The following ANKS1B variants were observed in gnomAD, a reference collection of about 807,000 sequenced individuals.
ANKS1B encodes ankyrin repeat and sterile alpha motif domain-containing protein 1B.
In ANKS1B, 36 loss-of-function variants were observed where a neutral mutation model predicts 148.3. The observed-to-expected ratio is 0.24, with a 90% CI of 0.19 to 0.32. ANKS1B has a LOEUF of 0.32. ANKS1B is among the 10% of genes least tolerant of loss of function. The pLI, the probability that ANKS1B is intolerant of heterozygous loss-of-function variation, is 1.00. For missense variants in ANKS1B, 1,157 were observed against 1,542.6 expected, an observed-to-expected ratio of 0.75 and a Z score of 4.19; for synonymous variants, 542 against 560.8, an observed-to-expected ratio of 0.97 and a Z score of 0.47.
chr12:99,823,659 G>A (rs1258784388), intron 2 of ANKS1B, among the ~76,000 whole-genome samples: 1 of 152,100 alleles, frequency 6.6e-6, no homozygotes, highest in Non-Finnish European at 1.5e-5. Flanking sequence ...TGAAGTATTT[G>A]CCCAGTTCTA....
intron 8 of ANKS1B, among the ~76,000 whole-genome samples, chr12:99,744,991 CAAAAAAAA>C (rs55904412): frequency 1.2e-4 from 6 of 52,082 alleles, no homozygotes; most frequent in Admixed American, 3.0e-4. Flanking sequence ...GACTCTGTCT[CAAAAAAAA>C]AAAAAAAAAA....
At chr12:99,680,730 T>C (rs12580273) in intron 8 of ANKS1B, among the ~76,000 whole-genome samples, 1 of 152,212 alleles carries the variant, frequency 6.6e-6, no homozygotes, top group East Asian at 1.9e-4. Flanking sequence ...CAGCTCTTAG[T>C]GGGTAGGCTT....
At chr12:99,037,093 C>T (rs975088236) in intron 17 of ANKS1B, among the ~76,000 whole-genome samples, 1 of 152,200 alleles carries the variant, frequency 6.6e-6, no homozygotes, top group African/African-American at 2.4e-5. Flanking sequence ...TATGCAAATA[C>T]TAGACCTCAC....
chr12:99,906,687 C>T (rs567301361), intron 1 of ANKS1B, among the ~76,000 whole-genome samples: 53 of 152,318 alleles, frequency 3.5e-4, no homozygotes, highest in Non-Finnish European at 5.3e-4. Context: ...TATCATTAAA[C>T]AGTACTGGAT....
intron 2 of ANKS1B, among the ~76,000 whole-genome samples, chr12:99,814,177 G>A (rs1020283882): frequency 1.3e-5 from 2 of 151,536 alleles, no homozygotes; most frequent in Admixed American, 1.3e-4. Context: ...ACTCTATGAT[G>A]TTCACACAAT....
Position 99,329,889 on chromosome 12 carries a change from A to G in ANKS1B, c.1756+69742T>C, listed in dbSNP as rs569854888. Among the ~76,000 whole-genome samples, 233 of 152,020 alleles carry G rather than the reference A, an allele frequency of 1.5e-3. 3 individuals are homozygous for G. Among genetic ancestry groups the G allele is most frequent in the African/African-American group, 5.2e-3 (214 of 41,516 alleles). On this transcript the variant is annotated intron_variant, in intron 12 of 26. Transcript: ENST00000683438. ...AAGATTAGACAAAATCTACATGTTT[A>G]CATCATATGATGTATTAATAATTTC...
At chr12:99,573,746 A>T (rs1226549528) in intron 9 of ANKS1B, among the ~76,000 whole-genome samples, 2 of 152,038 alleles carry the variant, frequency 1.3e-5, no homozygotes, top group African/African-American at 4.8e-5. Flanking sequence ...TCACTCTTCC[A>T]GCAGTAAATC....
In ANKS1B at chr12:98,807,883, G is replaced by A. The variant is rs752206048; in HGVS notation, c.3102C>T (p.Asn1034=). The part of the protein sequence containing the change: ...SSVCEIWTNQ[N]AGFPFSAIHQ... ...GGATCGCTGAGAAAGGAAATCCTGC[G>A]TTCTGATTCGTCCATATTTCACAGA... The change falls in exon 20 of 27, where the codon AAC becomes AAT. Residue 1034 remains asparagine, a synonymous_variant. Coordinates refer to ENST00000683438, the MANE Select transcript of ANKS1B (RefSeq NM_001352186.2). 8.7e-6 allele frequency: 14 copies of A among 1,613,178 alleles called. No individual in the cohort carries two copies. Among genetic ancestry groups the A allele is most frequent in the Admixed American group, 5.0e-5 (3 of 59,952 alleles).
intron 14 of ANKS1B, among the ~76,000 whole-genome samples, chr12:99,206,697 C>A (rs1362079259): frequency 1.3e-5 from 2 of 152,148 alleles, no homozygotes; most frequent in African/African-American, 2.4e-5. Context: ...AGTCCAGGCA[C>A]AGAGAATGTT....
intron 17 of ANKS1B, among the ~76,000 whole-genome samples, chr12:98,961,918 A>AT (rs1443816106): frequency 6.6e-6 from 1 of 152,050 alleles, no homozygotes; most frequent in Non-Finnish European, 1.5e-5. Flanking sequence ...GAGAAAAAAT[A>AT]TGCAAAAAAT....
At chr12:99,346,713 T>C (rs1256482849) in intron 12 of ANKS1B, among the ~76,000 whole-genome samples, 1 of 151,992 alleles carries the variant, frequency 6.6e-6, no homozygotes, top group African/African-American at 2.4e-5. Flanking sequence ...GGGATGTTAT[T>C]AGATCATGGG....
intron 16 of ANKS1B, among the ~76,000 whole-genome samples, chr12:99,082,829 T>C (rs1357113303): frequency 6.6e-6 from 1 of 152,164 alleles, no homozygotes; most frequent in East Asian, 1.9e-4. Flanking sequence ...AATGGCAGCA[T>C]GTGACAAAGC....
chr12:99,158,327 C>T (rs995192828), intron 14 of ANKS1B, among the ~76,000 whole-genome samples: 5 of 152,016 alleles, frequency 3.3e-5, no homozygotes, highest in African/African-American at 9.7e-5. Flanking sequence ...AAAAGTGAGA[C>T]AAGAGGAGGG....
At chr12:99,140,056 G>A (rs937906035) in intron 15 of ANKS1B, among the ~76,000 whole-genome samples, 1 of 152,164 alleles carries the variant, frequency 6.6e-6, no homozygotes, top group African/African-American at 2.4e-5. Flanking sequence ...CTAGACTCTC[G>A]AGGATTCAAA....
intron 15 of ANKS1B, among the ~76,000 whole-genome samples, chr12:99,106,994 G>T (rs1339307582): frequency 6.6e-6 from 1 of 152,088 alleles, no homozygotes; most frequent in Non-Finnish European, 1.5e-5. Flanking sequence ...GTCTGCTCTA[G>T]CTGCAATGTT....
intron 17 of ANKS1B, among the ~76,000 whole-genome samples, chr12:99,040,348 C>CCTGTTCGT (rs2099958206): frequency 6.6e-6 from 1 of 151,950 alleles, no homozygotes. Context: ...AAGTTGCACC[C>CCTGTTCGT]CTGTTCGTCT....
chr12:99,758,986 C>T (rs1297852968), intron 8 of ANKS1B, among the ~76,000 whole-genome samples: 1 of 151,826 alleles, frequency 6.6e-6, no homozygotes, highest in African/African-American at 2.4e-5. Flanking sequence ...CAATTTTTGT[C>T]TCATTTATTC....
At chr12:99,421,133 C>T (rs1280436574) in intron 11 of ANKS1B, among the ~76,000 whole-genome samples, 1 of 152,166 alleles carries the variant, frequency 6.6e-6, no homozygotes, top group Non-Finnish European at 1.5e-5. Context: ...GATAAGTATT[C>T]ATCTTCTTCT....
chr12:98,971,502 T>G (rs1411698017), intron 17 of ANKS1B, among the ~76,000 whole-genome samples: 1 of 152,174 alleles, frequency 6.6e-6, no homozygotes, highest in Non-Finnish European at 1.5e-5. Flanking sequence ...AAAACTTGGG[T>G]GAAGACGGCA....
Sources: gnomAD v4.1 joint callset for allele counts (sites outside exome capture counted in the v4.1 genomes callset) on GRCh38, gnomAD v4.1.1 for gene constraint, MANE v1.5 for transcripts, NCBI Gene and HGNC (gene_info 2026-07-23, HGNC 2026-07-21) for gene names.